The following NKAIN2 variants were observed in gnomAD, a reference collection of about 807,000 sequenced individuals.
The protein encoded by NKAIN2 is sodium/potassium-transporting ATPase subunit beta-1-interacting protein 2.
A neutral mutation model predicts 32.6 loss-of-function variants in NKAIN2; 14 were observed. That is an observed-to-expected ratio of 0.43 (90% CI 0.28 to 0.67). NKAIN2 has a LOEUF of 0.67. Among genes scored for constraint, NKAIN2 ranks in the 30% least tolerant of loss-of-function variants. The pLI, the probability that NKAIN2 is intolerant of heterozygous loss-of-function variation, is 0.17. For synonymous variants in NKAIN2, 80 were observed against 87.2 expected (o/e 0.92, Z 0.46); for missense variants, 198 against 258.3 (o/e 0.77, Z 1.60).
chr6:124,294,170 G>A (rs146756467), intron 2 of NKAIN2, among the ~76,000 whole-genome samples: 13 of 152,186 alleles, frequency 8.5e-5, no homozygotes, highest in Admixed American at 7.2e-4. Context: ...CATAAATGGC[G>A]GAGAAGTAGA....
intron 2 of NKAIN2, among the ~76,000 whole-genome samples, chr6:124,289,127 C>T (rs1478785948): frequency 2.0e-5 from 3 of 152,136 alleles, no homozygotes; most frequent in Admixed American, 6.5e-5. Flanking sequence ...CATAATAACC[C>T]TGCTTACTCT....
At chr6:124,243,324 A>G (rs1793212165) in intron 1 of NKAIN2, among the ~76,000 whole-genome samples, 1 of 151,956 alleles carries the variant, frequency 6.6e-6, no homozygotes, top group Non-Finnish European at 1.5e-5. Context: ...AGAAAACTCC[A>G]TCTCTACTAA....
chr6:124,311,343 G>A (rs1419376641), intron 2 of NKAIN2, among the ~76,000 whole-genome samples: 2 of 152,034 alleles, frequency 1.3e-5, no homozygotes, highest in African/African-American at 4.8e-5. Flanking sequence ...GGAGGAAAAT[G>A]CCACAAACTC....
intron 4 of NKAIN2, among the ~76,000 whole-genome samples, chr6:124,762,359 T>A (rs932388889): frequency 7.2e-5 from 11 of 152,114 alleles, no homozygotes; most frequent in African/African-American, 2.4e-4. Context: ...AGAGCCTTAT[T>A]TTGACTTAAT....
At chr6:124,006,542 A>C (rs953464276) in intron 1 of NKAIN2, among the ~76,000 whole-genome samples, 5 of 152,248 alleles carry the variant, frequency 3.3e-5, no homozygotes, top group Non-Finnish European at 7.3e-5. Context: ...ATCCTGAGGC[A>C]AAATGACTAC....
chr6:124,372,612 C>T (rs1799814655), intron 3 of NKAIN2, among the ~76,000 whole-genome samples: 1 of 152,098 alleles, frequency 6.6e-6, no homozygotes. Flanking sequence ...AAATACTTTA[C>T]CCTGACTAAA....
intron 1 of NKAIN2, among the ~76,000 whole-genome samples, chr6:123,875,018 A>C (rs1319558881): frequency 6.6e-6 from 1 of 152,040 alleles, no homozygotes; most frequent in African/African-American, 2.4e-5. Context: ...ACTATTTTAT[A>C]CGACTTTTCC....
intron 1 of NKAIN2, among the ~76,000 whole-genome samples, chr6:124,190,977 G>C (rs1165810957): frequency 6.6e-6 from 1 of 152,088 alleles, no homozygotes; most frequent in Non-Finnish European, 1.5e-5. Flanking sequence ...TTCTACAACA[G>C]AGTGGTACAT....
chr6:124,388,216 A>G (rs1322585), intron 3 of NKAIN2, among the ~76,000 whole-genome samples: 46,318 of 151,458 alleles, frequency 0.31, 8,514 homozygotes, highest in South Asian at 0.49. Context: ...TCTTGTTACT[A>G]TTGGATAAAG....
At chr6:123,980,674 ATCTT>A (rs1299161552) in intron 1 of NKAIN2, among the ~76,000 whole-genome samples, 1 of 151,436 alleles carries the variant, frequency 6.6e-6, no homozygotes, top group Non-Finnish European at 1.5e-5. Context: ...TGAATGTCTT[ATCTT>A]TGAGAAGCAA....
At chr6:124,808,976 T>C (rs546078270) in intron 5 of NKAIN2, among the ~76,000 whole-genome samples, 1 of 152,166 alleles carries the variant, frequency 6.6e-6, no homozygotes, top group South Asian at 2.1e-4. Context: ...CTCAAGGAAA[T>C]TAAAGAGGAT....
At chr6:124,594,514 G>A (rs538260370) in intron 3 of NKAIN2, among the ~76,000 whole-genome samples, 10 of 152,284 alleles carry the variant, frequency 6.6e-5, no homozygotes, top group African/African-American at 2.4e-4. Flanking sequence ...AAGTCATAAA[G>A]AGGATGTTGG....
intron 1 of NKAIN2, among the ~76,000 whole-genome samples, chr6:124,060,455 A>G (rs1215160248): frequency 6.6e-6 from 1 of 152,150 alleles, no homozygotes; most frequent in Admixed American, 6.6e-5. Context: ...AGCATAAAAA[A>G]GCACAGGTTG....
At chr6:124,116,771 ACATGTAACCATAGC>A (rs1329576178) in intron 1 of NKAIN2, among the ~76,000 whole-genome samples, 1 of 152,158 alleles carries the variant, frequency 6.6e-6, no homozygotes. Flanking sequence ...AATGCCGGCT[ACATGTAACCATAGC>A]CATTATATAA....
At chr6:124,361,925 C>G (rs1227756378) in intron 3 of NKAIN2, among the ~76,000 whole-genome samples, 1 of 152,080 alleles carries the variant, frequency 6.6e-6, no homozygotes, top group Admixed American at 6.5e-5. Flanking sequence ...TATTTGGATT[C>G]TTTTGCTCAA....
intron 4 of NKAIN2, among the ~76,000 whole-genome samples, chr6:124,773,418 A>G (rs1278106860): frequency 2.0e-5 from 3 of 152,104 alleles, no homozygotes; most frequent in African/African-American, 7.2e-5. Context: ...AAACTGAGGT[A>G]ATTGAAGAAA....
intron 3 of NKAIN2, among the ~76,000 whole-genome samples, chr6:124,609,364 A>T (rs1782606917): frequency 6.6e-6 from 1 of 152,182 alleles, no homozygotes; most frequent in Non-Finnish European, 1.5e-5. Flanking sequence ...TTATTTTTTC[A>T]TCACTCACCC....
At chr6:124,771,671 GTTAT>G (rs1336753581) in intron 4 of NKAIN2, among the ~76,000 whole-genome samples, 1 of 152,168 alleles carries the variant, frequency 6.6e-6, no homozygotes, top group South Asian at 2.1e-4. Context: ...AGAATTATGA[GTTAT>G]TTCTCTTTTT....
At chr6:123,852,291 T>TG (rs1162423735) in intron 1 of NKAIN2, among the ~76,000 whole-genome samples, 4 of 151,892 alleles carry the variant, frequency 2.6e-5, no homozygotes, top group East Asian at 1.9e-4. Flanking sequence ...TTCTTTTTTT[T>TG]TGTGATGAGC....
Sources: allele counts gnomAD v4.1 joint callset (sites outside exome capture counted in the v4.1 genomes callset), GRCh38; gene constraint gnomAD v4.1.1; transcripts MANE v1.5; gene names NCBI Gene and HGNC (gene_info 2026-07-23, HGNC 2026-07-21).